The following XKR5 variants were observed in gnomAD, a reference collection of about 807,000 sequenced individuals.
XKR5 encodes the protein XK related 5.
In XKR5, 46 loss-of-function variants were observed where a neutral mutation model predicts 40.8. The ratio of observed to expected loss-of-function variants is 1.13; its 90% confidence interval spans 0.89 to 1.44. The LOEUF (loss-of-function observed/expected upper bound fraction) is 1.44. XKR5 is among the 40% of genes most tolerant of loss of function. XKR5 has a pLI of 0.00. For synonymous variants in XKR5, 466 were observed against 356.1 expected (o/e 1.31, Z -3.48); for missense variants, 1,169 against 844.7 (o/e 1.38, Z -4.76).
intron 5 of XKR5, among the ~76,000 whole-genome samples, chr8:6,820,337 C>T (rs1804174705): frequency 6.6e-6 from 1 of 152,234 alleles, no homozygotes; most frequent in Non-Finnish European, 1.5e-5. Context: ...TCGCTCTTGA[C>T]TCAGTGATCT....
chr8:6,823,336 A>G (rs747930600), intron 4 of XKR5, among the ~76,000 whole-genome samples, 185 bp downstream of exon 4: 32 of 152,210 alleles, frequency 2.1e-4, no homozygotes, highest in Non-Finnish European at 4.0e-4. Flanking sequence ...AAGGCTCTTT[A>G]TGAATCTGAA....
At chr8:6,822,184 A>AG in intron 4 of XKR5, 146 bp from the exon 5 acceptor site, 1 of 763,530 alleles carries the variant, frequency 1.3e-6, no homozygotes, top group Non-Finnish European at 2.0e-6. Context: ...AAGAGATTTG[A>AG]GGGGGACAGA....
rs1803658279 is a variant in XKR5, at chr8:6,811,160, G to C, written c.*38C>G. The C allele has an allele frequency of 6.7e-7, 1 of 1,498,908 alleles. No homozygotes were observed. The highest frequency in any genetic ancestry group is 1.4e-5 in the African/African-American group (1 of 72,042). 92.9% of individuals were successfully genotyped at this position (1,498,908 alleles called of 1,614,324 possible). A position where few individuals can be genotyped will look rare whatever the true frequency, so the allele number is the denominator to read the frequency against. On this transcript the variant is annotated 3_prime_UTR_variant, in exon 7 of 7. Coordinates refer to ENST00000618742, the MANE Select transcript of XKR5 (RefSeq NM_207411.5). ...CTCACGGTACCAAATGGCCAGCTTGGTTTGTCAGCCTGTTGTCTTATCCCA... is the reference window on the plus strand; with the variant it reads ...CTCACGGTACCAAATGGCCAGCTTGCTTTGTCAGCCTGTTGTCTTATCCCA...
intron 5 of XKR5, among the ~76,000 whole-genome samples, chr8:6,819,322 C>T (rs772505789): frequency 2.6e-5 from 4 of 152,228 alleles, no homozygotes; most frequent in Non-Finnish European, 4.4e-5. Flanking sequence ...GTAATGCTTT[C>T]GGATGGCAGC....
Position 6,823,547 on chromosome 8 carries a change from T to C in XKR5, c.611A>G (p.Tyr204Cys), listed in dbSNP as rs757205986. Residue 204 changes from tyrosine (Y) to cysteine (C), a missense_variant, in exon 4 of 7, where the codon TAC becomes TGC. Physicochemically the swap from Tyr to Cys is radical, Grantham distance 194. Transcript: ENST00000618742. ...VLSLVLFYKA[Y>C]HFWVFVVAGA... ...TGCAACCACAAAAACCCAAAAGTGG[T>C]AGGCTTTGTAGAACAGAACCAGACT... The C allele has an allele frequency of 6.3e-6, 10 of 1,592,442 alleles. No homozygotes were observed. The highest frequency in any genetic ancestry group is 8.6e-6 in the Non-Finnish European group (10 of 1,169,418).
In XKR5 at chr8:6,811,216, C is replaced by G. The variant is rs1315731699; in HGVS notation, c.2043G>C (p.Glu681Asp). The stretch of plus-strand genomic sequence containing the variant: ...ACTGTGGTCAGATGAAAAAACTCGG[C>G]TCTTGCTTCATCTGTTCCCTGCAGC... ...DCSCREQMKQ[E>D]PSFFI The change falls in exon 7 of 7, where the codon GAG becomes GAC. Residue 681 changes from glutamate (E) to aspartate (D), a missense_variant. By Grantham distance (45) the Glu-to-Asp change is conservative (BLOSUM62 2). Coordinates refer to ENST00000618742, the MANE Select transcript of XKR5 (RefSeq NM_207411.5). 18 of 1,535,880 alleles carry G rather than the reference C, an allele frequency of 1.2e-5. No homozygotes were observed. The highest frequency in any genetic ancestry group is 9.8e-5 in the Admixed American group (5 of 50,894).
chr8:6,823,360 A>C (rs929077333), intron 4 of XKR5, among the ~76,000 whole-genome samples, 161 bp downstream of exon 4: 2 of 152,116 alleles, frequency 1.3e-5, no homozygotes, highest in African/African-American at 2.4e-5. Context: ...CTGCTACCCC[A>C]TTGCCATCTC....
intron 3 of XKR5, among the ~76,000 whole-genome samples, chr8:6,823,948 T>C (rs1165877709): frequency 1.3e-5 from 2 of 152,208 alleles, no homozygotes; most frequent in Admixed American, 6.5e-5. Context: ...AATGGGGATA[T>C]GCAGGAAATA....
rs114823081 is a variant in XKR5, at chr8:6,831,401, C to G, written c.242+1316G>C. On this transcript the variant is annotated intron_variant, in intron 2 of 6. Coordinates refer to ENST00000618742, the MANE Select transcript of XKR5 (RefSeq NM_207411.5). ...TTCGGTGCTGTTAGAGGTTTAGGGTCCAACTCTGAGGGTCCAGTGAAACTG... is the reference window on the plus strand; with the variant it reads ...TTCGGTGCTGTTAGAGGTTTAGGGTGCAACTCTGAGGGTCCAGTGAAACTG... 2.2e-3 allele frequency among the ~76,000 whole-genome samples: 334 copies of G among 152,222 alleles called. 2 individuals are homozygous for G. The highest frequency in any genetic ancestry group is 7.7e-3 in the African/African-American group (318 of 41,528).
chr8:6,833,415 T>A (rs993106735), intron 1 of XKR5, among the ~76,000 whole-genome samples: 116 of 152,340 alleles, frequency 7.6e-4, no homozygotes, highest in Non-Finnish European at 7.8e-4. Flanking sequence ...AAACTTTGCT[T>A]TCCAGAGTCT....
At chr8:6,835,406 G>T (rs893915538) in intron 1 of XKR5, 30 bp downstream of exon 1, 2 of 1,447,220 alleles carry the variant, frequency 1.4e-6, no homozygotes, top group African/African-American at 3.0e-5. Flanking sequence ...GGCTGCAGGG[G>T]TGAGCACAGC....
In XKR5 at chr8:6,812,041, C is replaced by T. The variant is rs1188099168; in HGVS notation, c.1218G>A (p.Leu406=). Residue 406 remains leucine (L), a synonymous_variant, in exon 7 of 7, where the codon CTG becomes CTA. Coordinates refer to ENST00000618742, the MANE Select transcript of XKR5 (RefSeq NM_207411.5). ...CTGTTTTTAGGGCAAGTTTCACCCA[C>T]AGCCAGTGGTGATGACTGAGGAAAG... ...EDSFLSHHHW[L]WVKLALKTGN... 4 of 1,538,356 alleles carry T rather than the reference C, an allele frequency of 2.6e-6. No individual in the cohort carries two copies. Among genetic ancestry groups the T allele is most frequent in the South Asian group, 1.2e-5 (1 of 84,064 alleles).
intron 2 of XKR5, among the ~76,000 whole-genome samples, chr8:6,826,689 A>G (rs943177425): frequency 6.6e-6 from 1 of 152,138 alleles, no homozygotes; most frequent in African/African-American, 2.4e-5. Flanking sequence ...CTGGATGACC[A>G]GTTGTGGTTG....
chr8:6,811,468 G>A lies in XKR5; in HGVS notation c.1791C>T (p.Asp597=). Residue 597 remains aspartate, a synonymous_variant, in exon 7 of 7, where the codon GAC becomes GAT. Coordinates refer to ENST00000618742, the MANE Select transcript of XKR5 (RefSeq NM_207411.5). ...GLAPFPDTMA[D]ISPILGTGPC... The stretch of plus-strand genomic sequence containing the variant: ...GGCCTGTGCCTAGGATGGGGCTAAT[G>A]TCGGCCATGGTGTCGGGGAAGGGCG... 6.5e-7 allele frequency: 1 copy of A among 1,531,220 alleles called. No individual in the cohort carries two copies. The highest frequency in any genetic ancestry group is 8.7e-7 in the Non-Finnish European group (1 of 1,143,292). 94.9% of individuals were successfully genotyped at this position (1,531,220 alleles called of 1,614,324 possible).
rs145408292 is a variant in XKR5, at chr8:6,831,280, G to A, written c.242+1437C>T. ...CGAAAGATCCTTCTCTGCCTTCTCC[G>A]CCATGGAAGGAAGGGCCCTGTCTTT... On this transcript the variant is annotated intron_variant, in intron 2 of 6. Transcript: ENST00000618742. 5.0e-3 allele frequency among the ~76,000 whole-genome samples: 757 copies of A among 152,310 alleles called. 11 individuals are homozygous for A. The highest frequency in any genetic ancestry group is 0.017 in the African/African-American group (723 of 41,572).
In XKR5 at chr8:6,832,754, T is replaced by G. The variant is rs2741098; in HGVS notation, c.205A>C (p.Met69Leu). The G allele has an allele frequency of 6.2e-7, 1 of 1,612,758 alleles. No individual in the cohort carries two copies. Among genetic ancestry groups the G allele is most frequent in the East Asian group, 2.2e-5 (1 of 44,826 alleles). Residue 69 changes from methionine (M) to leucine (L), a missense_variant, in exon 2 of 7, where the codon ATG becomes CTG. Met to Leu is a conservative substitution (Grantham distance 15). Transcript: ENST00000618742. ...ADGHPGHCSL[M>L]MLHLLQLGVW... The stretch of plus-strand genomic sequence containing the variant: ...CCAAGCTGTAGGAGGTGCAGCATCA[T>G]CAAGGAGCAATGCCCTGGATGCCCG...
intron 6 of XKR5, among the ~76,000 whole-genome samples, chr8:6,812,948 A>G (rs1034605865): frequency 2.0e-5 from 3 of 152,256 alleles, no homozygotes; most frequent in African/African-American, 7.2e-5. Context: ...TTTTGATCAG[A>G]AGTGTTGACT....
intron 6 of XKR5, 134 bp from the exon 7 acceptor site, chr8:6,812,473 G>A: frequency 1.1e-6 from 1 of 873,468 alleles, no homozygotes; most frequent in Non-Finnish European, 1.7e-6. Context: ...TCTTGTTGGA[G>A]CCTCAGAACT....
At chr8:6,827,709 C>T (rs552659312) in intron 2 of XKR5, among the ~76,000 whole-genome samples, 38 of 152,260 alleles carry the variant, frequency 2.5e-4, no homozygotes, top group African/African-American at 8.4e-4. Context: ...GGGTAGTTTC[C>T]TCTTCTTGCT....
Sources: gnomAD v4.1 joint callset for allele counts (sites outside exome capture counted in the v4.1 genomes callset) on GRCh38, gnomAD v4.1.1 for gene constraint, MANE v1.5 for transcripts, NCBI Gene and HGNC (gene_info 2026-07-23, HGNC 2026-07-21) for gene names.